Variants in AHCYL1 observed in about 807,000 individuals in gnomAD.
AHCYL1 encodes the protein S-adenosylhomocysteine hydrolase-like protein 1.
A neutral mutation model predicts 79.3 loss-of-function variants in AHCYL1; 20 were observed. That is an observed-to-expected ratio of 0.25 (90% confidence interval 0.18 to 0.37). AHCYL1 has a LOEUF of 0.37. Among genes scored for constraint, AHCYL1 ranks in the 10% least tolerant of loss-of-function variants. AHCYL1 has a pLI of 1.00. For missense variants in AHCYL1, 330 were observed against 673.6 expected, an observed-to-expected ratio of 0.49 and a Z score of 5.65; for synonymous variants, 223 against 242.2, an observed-to-expected ratio of 0.92 and a Z score of 0.74.
At chr1:110,016,532 G>GGT in intron 8 of AHCYL1, 72 bp downstream of exon 8, 1 of 1,557,668 alleles carries the variant, frequency 6.4e-7, no homozygotes, top group Non-Finnish European at 8.8e-7. Context: ...GTTTATTAGA[G>GGT]GGACCATTTC....
rs1265860849 is a variant in AHCYL1 at position 109,999,467 on chromosome 1, C to G, written c.121-9567C>G. On this transcript the variant is annotated intron_variant, in intron 1 of 16. Coordinates refer to ENST00000369799, the MANE Select transcript of AHCYL1 (RefSeq NM_006621.7). ...CACCTTCCTGACGCCTGGTAAGAAC[C>G]TTCTGCTTTTTGCTTCCATGAGTTT... Among the ~76,000 whole-genome samples the G allele has an allele frequency of 3.0e-4, 45 of 152,190 alleles. 1 individual carries two copies. The highest frequency in any genetic ancestry group is 2.9e-3 in the Admixed American group (45 of 15,272).
chr1:110,005,578 T>C (rs78060691), intron 1 of AHCYL1, among the ~76,000 whole-genome samples: 111 of 152,342 alleles, frequency 7.3e-4, no homozygotes, highest in African/African-American at 2.4e-3. Flanking sequence ...ATCACAGATA[T>C]TATCCTGATC....
intron 5 of AHCYL1, 112 bp downstream of exon 5, chr1:110,013,111 T>A: frequency 1.4e-6 from 1 of 728,422 alleles, no homozygotes; most frequent in South Asian, 2.4e-5. Context: ...GGCTATAAAA[T>A]TGTGCATGAT....
chr1:110,017,912 G>C, intron 10 of AHCYL1, 34 bp from the exon 11 acceptor site: 1 of 1,609,102 alleles, frequency 6.2e-7, no homozygotes, highest in Non-Finnish European at 8.5e-7. Flanking sequence ...CTGCCTTCTT[G>C]CTTTACTCAT....
In AHCYL1 at chr1:110,012,595, A is replaced by G. The variant is rs1377188370; in HGVS notation, c.477+133A>G. The G allele has an allele frequency of 5.0e-5, 37 of 738,720 alleles. 1 individual carries two copies. In the East Asian group the frequency reaches 1.0e-3, roughly 21 times the overall value. 45.8% of individuals were successfully genotyped at this position (738,720 alleles called of 1,614,324 possible). A position where few individuals can be genotyped will look rare whatever the true frequency, so the allele number is the denominator to read the frequency against. ...ATTAATAGGATCTCCCTGTTACACA[A>G]TAATGGGGTTTTCTGGGTTTTTTTT... On this transcript the variant is annotated intron_variant, in intron 4 of 16. Transcript: ENST00000369799.
intron 1 of AHCYL1, among the ~76,000 whole-genome samples, chr1:109,997,922 G>A (rs951586676): frequency 1.3e-5 from 2 of 152,218 alleles, no homozygotes; most frequent in African/African-American, 2.4e-5. Context: ...TAAGGGCTGT[G>A]TTCAGGCTAA....
chr1:109,986,501 G>C (rs431097), intron 1 of AHCYL1, among the ~76,000 whole-genome samples: 1 of 152,220 alleles, frequency 6.6e-6, no homozygotes, highest in African/African-American at 2.4e-5. Context: ...TTAGTGCTGA[G>C]AGTTCAGTTG....
chr1:110,015,085 T>C (rs2101735858), intron 6 of AHCYL1, among the ~76,000 whole-genome samples: 1 of 152,264 alleles, frequency 6.6e-6, no homozygotes, highest in East Asian at 1.9e-4. Context: ...AACAAAATAG[T>C]GGTGCTTCTT....
chr1:110,018,900 GA>G, intron 13 of AHCYL1, 150 bp from the exon 14 acceptor site: 1 of 802,884 alleles, frequency 1.2e-6, no homozygotes, highest in Non-Finnish European at 2.0e-6. Flanking sequence ...CAGAAAATAG[GA>G]AAAAGCCTAG....
At chr1:110,003,848 A>C (rs1650471374) in intron 1 of AHCYL1, 1 of 890,954 alleles carries the variant, frequency 1.1e-6, no homozygotes, top group African/African-American at 1.8e-5. Context: ...CTTTTTTCTA[A>C]CTTCTTATGT....
chr1:109,994,745 C>T (rs1391523229), intron 1 of AHCYL1, among the ~76,000 whole-genome samples: 3 of 152,238 alleles, frequency 2.0e-5, no homozygotes, highest in Non-Finnish European at 4.4e-5. Context: ...TGAGCACCAG[C>T]TTTCTTAGCA....
chr1:110,004,762 A>G (rs1434109091), intron 1 of AHCYL1, among the ~76,000 whole-genome samples: 1 of 151,910 alleles, frequency 6.6e-6, no homozygotes, highest in Non-Finnish European at 1.5e-5. Context: ...AAGAGAGAGA[A>G]CGTAAGGAAG....
chr1:110,021,149 G>A (rs535609313), intron 16 of AHCYL1, among the ~76,000 whole-genome samples: 4 of 152,232 alleles, frequency 2.6e-5, no homozygotes, highest in South Asian at 4.2e-4. Context: ...GCTGAGGCAC[G>A]AGAATCACTT....
At chr1:110,020,365 T>C (rs1651715944) in intron 15 of AHCYL1, among the ~76,000 whole-genome samples, 2 of 152,194 alleles carry the variant, frequency 1.3e-5, no homozygotes, top group Non-Finnish European at 2.9e-5. Flanking sequence ...ATTGCTAATT[T>C]GACTATAATC....
intron 1 of AHCYL1, among the ~76,000 whole-genome samples, chr1:109,995,893 A>C (rs1650002727): frequency 6.6e-6 from 1 of 152,236 alleles, no homozygotes; most frequent in Non-Finnish European, 1.5e-5. Context: ...TTATCTAGCA[A>C]GACTGGCCAA....
chr1:110,005,061 T>C (rs1446674478), intron 1 of AHCYL1, among the ~76,000 whole-genome samples: 1 of 152,186 alleles, frequency 6.6e-6, no homozygotes, highest in Non-Finnish European at 1.5e-5. Flanking sequence ...GCACACAATA[T>C]GCTAGGACAG....
At chr1:109,998,446 C>A (rs930228802) in intron 1 of AHCYL1, among the ~76,000 whole-genome samples, 1 of 151,976 alleles carries the variant, frequency 6.6e-6, no homozygotes, top group Non-Finnish European at 1.5e-5. Context: ...CACAAGGAGA[C>A]CCTGTCTCTA....
At chr1:109,995,718 A>T in intron 1 of AHCYL1, 5 of 984,738 alleles carry the variant, frequency 5.1e-6, no homozygotes, top group Non-Finnish European at 4.8e-6. Flanking sequence ...AGTCACATAG[A>T]GGGTTTTTTC....
chr1:110,012,428 T>C lies in AHCYL1; in HGVS notation c.443T>C (p.Ile148Thr). 1 of 1,613,802 alleles carries C rather than the reference T, an allele frequency of 6.2e-7. No homozygotes were observed. Among genetic ancestry groups the C allele is most frequent in the Non-Finnish European group, 8.5e-7 (1 of 1,179,938 alleles). ...QGEKPLAGAK[I>T]VGCTHITAQT... is the part of the protein sequence containing the mutation. ...GAGAAGCCCTTGGCTGGTGCTAAAA[T>C]AGTGGGCTGTACACACATCACAGCC... The change falls in exon 4 of 17, where the codon ATA becomes ACA. Residue 148 changes from isoleucine (I) to threonine (T), a missense_variant. Ile to Thr is a moderately conservative substitution (Grantham distance 89, BLOSUM62 -1). This residue lies in a region of AHCYL1 where 97 missense variants were observed against 176.3 expected (regional missense o/e 0.55). Coordinates refer to ENST00000369799, the MANE Select transcript of AHCYL1 (RefSeq NM_006621.7).
Sources: gnomAD v4.1 joint callset for allele counts (sites outside exome capture counted in the v4.1 genomes callset) on GRCh38, gnomAD v4.1.1 for gene constraint, gnomAD v4.1.1 regional missense constraint, MANE v1.5 for transcripts, NCBI Gene and HGNC (gene_info 2026-07-23, HGNC 2026-07-21) for gene names.